The following EPHA5 variants were observed in gnomAD, a reference collection of about 807,000 sequenced individuals.
EPHA5 encodes EPH receptor A5.
In EPHA5, 60 loss-of-function variants were observed where a neutral mutation model predicts 105.0. The ratio of observed to expected loss-of-function variants is 0.57; its 90% CI spans 0.46 to 0.71. The LOEUF is 0.71. Ranked by LOEUF, EPHA5 falls within the 30% of genes least tolerant of loss-of-function variation. EPHA5 has a pLI of 0.00. For missense variants in EPHA5, 1,218 were observed against 1,274.7 expected (o/e 0.96, Z 0.68); for synonymous variants, 513 against 449.1 (o/e 1.14, Z -1.80).
At chr4:65,643,486 C>T (rs1339907348) in intron 1 of EPHA5, 59 bp from the exon 2 acceptor site, 1 of 1,361,026 alleles carries the variant, frequency 7.3e-7, no homozygotes, top group South Asian at 1.2e-5. Flanking sequence ...TATTGTATCT[C>T]TATTTTAATA....
intron 3 of EPHA5, among the ~76,000 whole-genome samples, chr4:65,538,211 A>C (rs1560666614): frequency 1.3e-5 from 2 of 151,840 alleles, no homozygotes; most frequent in African/African-American, 4.8e-5. Context: ...TAATTGCCAA[A>C]TAACTTAAAT....
intron 3 of EPHA5, among the ~76,000 whole-genome samples, chr4:65,576,878 CT>C (rs1481630112): frequency 6.6e-6 from 1 of 152,188 alleles, no homozygotes; most frequent in Non-Finnish European, 1.5e-5. Flanking sequence ...CTGACCTTGA[CT>C]TCATACCTGA....
chr4:65,334,701 T>C (rs182555200), intron 15 of EPHA5, among the ~76,000 whole-genome samples: 2 of 151,892 alleles, frequency 1.3e-5, no homozygotes, highest in African/African-American at 4.8e-5. Flanking sequence ...GAAAGCTGAA[T>C]CCTATATACT....
At chr4:65,618,125 GGGACACA>G (rs1745403890) in intron 2 of EPHA5, among the ~76,000 whole-genome samples, 1 of 152,016 alleles carries the variant, frequency 6.6e-6, no homozygotes, top group Non-Finnish European at 1.5e-5. Flanking sequence ...TTCAAACACT[GGGACACA>G]GATTGTCTTC....
chr4:65,441,469 T>C (rs2149086480), intron 5 of EPHA5, among the ~76,000 whole-genome samples: 1 of 152,130 alleles, frequency 6.6e-6, no homozygotes, highest in Non-Finnish European at 1.5e-5. Flanking sequence ...TTACCACTAG[T>C]TAAATATATC....
chr4:65,571,143 G>C (rs533666511), intron 3 of EPHA5, among the ~76,000 whole-genome samples: 2 of 151,646 alleles, frequency 1.3e-5, no homozygotes, highest in East Asian at 3.9e-4. Context: ...TTATTCATCT[G>C]AGAAAATGAT....
At chr4:65,574,294 C>T (rs973864967) in intron 3 of EPHA5, 13 of 1,564,688 alleles carry the variant, frequency 8.3e-6, no homozygotes, top group African/African-American at 2.7e-5. Flanking sequence ...TTTGCCCTGA[C>T]GAATGGAATT....
intron 2 of EPHA5, among the ~76,000 whole-genome samples, chr4:65,623,427 A>T (rs561002105): frequency 6.6e-6 from 1 of 152,082 alleles, no homozygotes; most frequent in Non-Finnish European, 1.5e-5. Flanking sequence ...TGGAGACACA[A>T]CATTGAAAAA....
chr4:65,327,567 A>G (rs1481521605), intron 16 of EPHA5, among the ~76,000 whole-genome samples: 1 of 151,264 alleles, frequency 6.6e-6, no homozygotes, highest in Non-Finnish European at 1.5e-5. Flanking sequence ...TGTCAAATTA[A>G]GGTGAAGAGA....
At chr4:65,346,291 A>G (rs2034539) in intron 14 of EPHA5, among the ~76,000 whole-genome samples, 1 of 151,618 alleles carries the variant, frequency 6.6e-6, no homozygotes, top group Admixed American at 6.6e-5. Context: ...GAAAATATTT[A>G]CTCAGTCTAA....
chr4:65,349,239 G>A (rs1722587910), intron 13 of EPHA5, among the ~76,000 whole-genome samples: 1 of 152,018 alleles, frequency 6.6e-6, no homozygotes, highest in Non-Finnish European at 1.5e-5. Flanking sequence ...CTGTTTAAGA[G>A]GAGGGTGTCT....
intron 8 of EPHA5, among the ~76,000 whole-genome samples, chr4:65,379,096 T>C (rs1719301975): frequency 6.6e-6 from 1 of 151,876 alleles, no homozygotes; most frequent in Admixed American, 6.6e-5. Flanking sequence ...TCATATAGAA[T>C]TGTGCATGGG....
chr4:65,440,652 T>C (rs752972364), intron 5 of EPHA5, among the ~76,000 whole-genome samples: 2 of 151,994 alleles, frequency 1.3e-5, no homozygotes, highest in East Asian at 1.9e-4. Context: ...GGTCTAGTAA[T>C]CATAAGCAAT....
In EPHA5 at chr4:65,539,919, A is replaced by T. The variant is rs970843994; in HGVS notation, c.911-44376T>A. ...CCTATATTATTATTATATTATGCAC[A>T]TATGTTATCACTATATTATTTCCCT... On this transcript the variant is annotated intron_variant, in intron 3 of 16. Transcript: ENST00000613740. 5.9e-5 allele frequency among the ~76,000 whole-genome samples: 9 copies of T among 151,598 alleles called. No homozygotes were observed. The South Asian group carries it at 6.2e-4, about 10-fold the overall frequency.
In EPHA5 at chr4:65,669,592, G is replaced by T. The variant is rs763862819; in HGVS notation, c.151C>A (p.Arg51=). 1.4e-6 allele frequency: 2 copies of T among 1,432,806 alleles called. No individual in the cohort carries two copies. Among genetic ancestry groups the T allele is most frequent in the Admixed American group, 5.1e-5 (2 of 39,484 alleles). 88.8% of individuals were successfully genotyped at this position (1,432,806 alleles called of 1,614,324 possible). A position where few individuals can be genotyped will look rare whatever the true frequency, so the allele number is the denominator to read the frequency against. ...TTGCTGGGGCTGGCCAGGAGGGTCC[G>T]GAGTGCGGCGCACAGGAGAAGGCAC... is the stretch of plus-strand genomic sequence containing the variant. ...WTCLLLCAAL[R]TLLASPSNEV... Residue 51 remains arginine, a synonymous_variant, in exon 1 of 17, where the codon CGG becomes AGG. Coordinates refer to ENST00000613740, the MANE Select transcript of EPHA5 (RefSeq NM_001281766.3).
Position 65,669,617 on chromosome 4 carries a change from C to G in EPHA5, c.126G>C (p.Thr42=), listed in dbSNP as rs750393876. The G allele has an allele frequency of 1.4e-6, 2 of 1,424,792 alleles. No homozygotes were observed. The highest frequency in any genetic ancestry group is 1.7e-5 in the South Asian group (1 of 60,084). The allele number at this position is 1,424,792 out of a possible 1,614,324, so 88.3% of individuals were successfully genotyped here. A position where few individuals can be genotyped will look rare whatever the true frequency, so the allele number is the denominator to read the frequency against. Residue 42 remains threonine (T), a synonymous_variant, in exon 1 of 17, where the codon ACG becomes ACC. Coordinates refer to ENST00000613740, the MANE Select transcript of EPHA5 (RefSeq NM_001281766.3). ...YSAPRRAPLW[T]CLLLCAALRT... ...GGAGTGCGGCGCACAGGAGAAGGCA[C>G]GTCCAGAGGGGAGCCCGTCGAGGTG...
chr4:65,639,079 T>G (rs987276497), intron 2 of EPHA5, among the ~76,000 whole-genome samples: 1 of 152,212 alleles, frequency 6.6e-6, no homozygotes, highest in Non-Finnish European at 1.5e-5. Context: ...AACAAACTCT[T>G]GTAAAATTAA....
chr4:65,487,948 A>G (rs1025630864), intron 5 of EPHA5, among the ~76,000 whole-genome samples: 1 of 152,182 alleles, frequency 6.6e-6, no homozygotes, highest in African/African-American at 2.4e-5. Flanking sequence ...GTGTAAAATA[A>G]GACTTAGTGA....
At chr4:65,564,762 T>C (rs1739358506) in intron 3 of EPHA5, among the ~76,000 whole-genome samples, 2 of 151,716 alleles carry the variant, frequency 1.3e-5, no homozygotes, top group South Asian at 4.1e-4. Context: ...AATTAAGCAA[T>C]GTATTTGTAT....
Sources: gnomAD v4.1 joint callset for allele counts (sites outside exome capture counted in the v4.1 genomes callset) on GRCh38, gnomAD v4.1.1 for gene constraint, MANE v1.5 for transcripts, NCBI Gene and HGNC (gene_info 2026-07-23, HGNC 2026-07-21) for gene names.